The following MOB1B variants were observed in gnomAD, a reference collection of about 807,000 sequenced individuals.
MOB1B encodes MOB kinase activator 1B.
A neutral mutation model predicts 24.4 loss-of-function variants in MOB1B; 19 were observed. The ratio of observed to expected loss-of-function variants is 0.78; its 90% CI spans 0.54 to 1.14. The LOEUF is 1.14. Ranked by LOEUF, MOB1B falls within the 50% of genes most tolerant of loss-of-function variation. The probability of loss-of-function intolerance (pLI) is 0.00; values close to 1 mark genes in which losing one functional copy is unlikely to be tolerated. For synonymous variants in MOB1B, 76 were observed against 82.1 expected (o/e 0.93, Z 0.40); for missense variants, 243 against 259.6 (o/e 0.94, Z 0.44).
chr4:70,902,503 G>T lies in MOB1B; in HGVS notation c.-34G>T. The T allele has an allele frequency of 1.3e-6, 2 of 1,555,094 alleles. No individual in the cohort carries two copies. The highest frequency in any genetic ancestry group is 8.7e-7 in the Non-Finnish European group (1 of 1,149,962). On this transcript the variant is annotated 5_prime_UTR_variant, in exon 1 of 6. Coordinates refer to ENST00000309395, the MANE Select transcript of MOB1B (RefSeq NM_173468.4). ...GGCCCACGCCGCTCCGAGGCCTCGC[G>T]ACCGCCGAGCCTGCAGCCTGCCCCG... is the stretch of plus-strand genomic sequence containing the variant.
intron 1 of MOB1B, among the ~76,000 whole-genome samples, chr4:70,945,964 T>A (rs1737558084): frequency 6.6e-6 from 1 of 152,026 alleles, no homozygotes; most frequent in South Asian, 2.1e-4. Context: ...CCTATCGGGC[T>A]GGCTTCTGTA....
At chr4:70,949,609 G>C (rs1330086091) in intron 1 of MOB1B, among the ~76,000 whole-genome samples, 1 of 152,130 alleles carries the variant, frequency 6.6e-6, no homozygotes, top group African/African-American at 2.4e-5. Context: ...GGAATTAGGT[G>C]GTTTGAAGAT....
At chr4:70,978,299 T>G (rs916131100) in intron 4 of MOB1B, among the ~76,000 whole-genome samples, 1 of 152,230 alleles carries the variant, frequency 6.6e-6, no homozygotes, top group Non-Finnish European at 1.5e-5. Context: ...TGTGTATATA[T>G]AGCACAGTTT....
chr4:70,987,463 TA>T lies in MOB1B; in HGVS notation c.*5409del, dbSNP rs1476544614. ...TTCATTTTAAGGATGCTTTGCTCCT[TA>T]AATTGTTCGACAGAAATGACTTTTT... On this transcript the variant is annotated 3_prime_UTR_variant, in exon 6 of 6. Transcript: ENST00000309395. The T allele has an allele frequency of 6.6e-6, 1 of 152,126 alleles. No homozygotes were observed. The highest frequency in any genetic ancestry group is 6.5e-5 in the Admixed American group (1 of 15,290). The allele number at this position is 152,126 out of a possible 1,614,324, so 9.4% of individuals were successfully genotyped here.
chr4:70,932,015 G>T (rs780574310), intron 1 of MOB1B, among the ~76,000 whole-genome samples: 5 of 152,086 alleles, frequency 3.3e-5, no homozygotes, highest in Non-Finnish European at 5.9e-5. Flanking sequence ...TAGGCATGAG[G>T]CACTGCACCT....
At chr4:70,918,171 T>C (rs1427513691) in intron 1 of MOB1B, among the ~76,000 whole-genome samples, 1 of 152,214 alleles carries the variant, frequency 6.6e-6, no homozygotes, top group African/African-American at 2.4e-5. Flanking sequence ...AGGGGCCCTC[T>C]GATCCATCCA....
intron 1 of MOB1B, among the ~76,000 whole-genome samples, chr4:70,943,100 C>G (rs1737416963): frequency 6.6e-6 from 1 of 152,012 alleles, no homozygotes; most frequent in South Asian, 2.1e-4. Flanking sequence ...CTTTTAAAAC[C>G]TGAAACATTT....
intron 1 of MOB1B, among the ~76,000 whole-genome samples, chr4:70,906,733 T>G (rs1433224494): frequency 6.6e-6 from 1 of 152,204 alleles, no homozygotes; most frequent in African/African-American, 2.4e-5. Flanking sequence ...TGCCGCAGTT[T>G]GGCCTCTGTG....
At chr4:70,961,994 G>A (rs1738327337) in intron 2 of MOB1B, among the ~76,000 whole-genome samples, 1 of 152,200 alleles carries the variant, frequency 6.6e-6, no homozygotes, top group Non-Finnish European at 1.5e-5. Flanking sequence ...GGGAGGCTGA[G>A]GTGGGAGGAT....
At chr4:70,935,847 A>AT (rs11395356) in intron 1 of MOB1B, among the ~76,000 whole-genome samples, 79,383 of 100,464 alleles carry the variant, frequency 0.79, 33,781 homozygotes, top group Non-Finnish European at 0.91. Flanking sequence ...TGGTACACTA[A>AT]TTTTTTTTTT....
intron 1 of MOB1B, among the ~76,000 whole-genome samples, chr4:70,927,106 CT>C (rs1276597972): frequency 6.6e-6 from 1 of 152,158 alleles, no homozygotes; most frequent in Non-Finnish European, 1.5e-5. Context: ...GTTTTAAACT[CT>C]CAGTTCCAAG....
intron 5 of MOB1B, among the ~76,000 whole-genome samples, chr4:70,980,293 T>C (rs1485240251): frequency 6.6e-6 from 1 of 152,040 alleles, no homozygotes; most frequent in Non-Finnish European, 1.5e-5. Flanking sequence ...ACAAAGAAAA[T>C]GTTGTCCTAA....
chr4:70,917,068 C>T (rs1736225174), intron 1 of MOB1B, among the ~76,000 whole-genome samples: 1 of 152,168 alleles, frequency 6.6e-6, no homozygotes, highest in Non-Finnish European at 1.5e-5. Flanking sequence ...AACACTACTT[C>T]TTTTACTTTT....
At chr4:70,948,124 T>C (rs1306598290) in intron 1 of MOB1B, among the ~76,000 whole-genome samples, 1 of 152,150 alleles carries the variant, frequency 6.6e-6, no homozygotes, top group Non-Finnish European at 1.5e-5. Context: ...TGTGTCTAGA[T>C]TTATGTTTTT....
intron 1 of MOB1B, among the ~76,000 whole-genome samples, chr4:70,931,358 G>A (rs1396967550): frequency 1.3e-5 from 2 of 152,080 alleles, no homozygotes; most frequent in Non-Finnish European, 2.9e-5. Context: ...TAGACTTTAG[G>A]TGGTGGTAGT....
intron 1 of MOB1B, among the ~76,000 whole-genome samples, chr4:70,933,229 A>G (rs1736950220): frequency 6.6e-6 from 1 of 152,222 alleles, no homozygotes; most frequent in South Asian, 2.1e-4. Flanking sequence ...TCACAAGAAC[A>G]GCAAGCGGGA....
intron 1 of MOB1B, among the ~76,000 whole-genome samples, chr4:70,903,559 T>A (rs1374928841): frequency 6.6e-6 from 1 of 152,194 alleles, no homozygotes; most frequent in African/African-American, 2.4e-5. Context: ...AGAAAACTAA[T>A]AAAAAACTTA....
rs1473194477 is a variant in MOB1B at position 70,976,124 on chromosome 4, A to T, written c.409+838A>T. The T allele has an allele frequency of 9.7e-6, 7 of 721,384 alleles. No homozygotes were observed. In the East Asian group the frequency reaches 7.9e-4, roughly 82 times the overall value. The allele number at this position is 721,384 out of a possible 1,614,324, so 44.7% of individuals were successfully genotyped here. A position where few individuals can be genotyped will look rare whatever the true frequency, so the allele number is the denominator to read the frequency against. ...ACCATGTTGGCCAGGCTGGTCTCGA[A>T]CTCCTGACCTCAAGTGATCTACCCA... is the stretch of plus-strand genomic sequence containing the variant. On this transcript the variant is annotated intron_variant, in intron 4 of 5. Coordinates refer to ENST00000309395, the MANE Select transcript of MOB1B (RefSeq NM_173468.4).
At chr4:70,973,767 T>TA (rs1340073852) in intron 3 of MOB1B, among the ~76,000 whole-genome samples, 1 of 152,220 alleles carries the variant, frequency 6.6e-6, no homozygotes, top group Non-Finnish European at 1.5e-5. Context: ...TCATCCTTAT[T>TA]GCCCCACTTT....
Sources: allele counts gnomAD v4.1 joint callset (sites outside exome capture counted in the v4.1 genomes callset), GRCh38; gene constraint gnomAD v4.1.1; transcripts MANE v1.5; gene names NCBI Gene and HGNC (gene_info 2026-07-23, HGNC 2026-07-21).